The following FAM177B variants were observed in gnomAD, a reference collection of about 807,000 sequenced individuals.
FAM177B encodes the protein family with sequence similarity 177 member B, also known as protein FAM177B.
Under a neutral mutation model 16.1 loss-of-function variants are expected in FAM177B, and 16 were observed. The observed-to-expected ratio is 0.99, with a 90% CI of 0.67 to 1.51. The LOEUF (loss-of-function observed/expected upper bound fraction) is 1.51. Ranked by LOEUF, FAM177B falls within the 40% of genes most tolerant of loss-of-function variation. The pLI is 0.00. For missense variants in FAM177B, 178 were observed against 183.7 expected, an observed-to-expected ratio of 0.97 and a Z score of 0.18; for synonymous variants, 56 against 59.9, an observed-to-expected ratio of 0.93 and a Z score of 0.30.
chr1:222,738,564 CAAAA>C lies in FAM177B; in HGVS notation c.-16+557_-16+560del, dbSNP rs71175182. On this transcript the variant is annotated intron_variant, in intron 2 of 5. Transcript: ENST00000445590. The stretch of plus-strand genomic sequence containing the variant: ...GGAGACTCCGTCTCTACAAAAACTG[CAAAA>C]AAAAAAAAAAAAAGGCTGGGCGTGT... Among the ~76,000 whole-genome samples the C allele has an allele frequency of 1.3e-4, 8 of 61,818 alleles. 1 individual carries two copies. The highest frequency in any genetic ancestry group is 1.2e-4 in the Non-Finnish European group (4 of 33,952). The allele number at this position is 61,818 out of a possible 152,430, so 40.6% of individuals were successfully genotyped here. A position where few individuals can be genotyped will look rare whatever the true frequency, so the allele number is the denominator to read the frequency against.
chr1:222,750,346 A>G lies in FAM177B; in HGVS notation c.*288A>G, dbSNP rs1261398648. 2 of 1,160,564 alleles carry G rather than the reference A, an allele frequency of 1.7e-6. No homozygotes were observed. Among genetic ancestry groups the G allele is most frequent in the Non-Finnish European group, 1.1e-6 (1 of 941,712 alleles). The allele number at this position is 1,160,564 out of a possible 1,614,324, so 71.9% of individuals were successfully genotyped here. On this transcript the variant is annotated 3_prime_UTR_variant, in exon 6 of 6. Coordinates refer to ENST00000445590, the MANE Select transcript of FAM177B (RefSeq NM_001394345.1). ...TGATACAAGTCCCATGAGTACTGAC[A>G]TTTGCACAGTAGCATAAATGCCTTA...
rs376302282 is a variant in FAM177B at position 222,750,016 on chromosome 1, T to C, written c.435T>C (p.Tyr145=). The change falls in exon 6 of 6, where the codon TAT becomes TAC. Residue 145 remains tyrosine (Y), a synonymous_variant. Coordinates refer to ENST00000445590, the MANE Select transcript of FAM177B (RefSeq NM_001394345.1). The part of the protein sequence containing the change: ...KCHLEAGVQE[Y]GTIQQDVTEA... The stretch of plus-strand genomic sequence containing the variant: ...ACTTGGAGGCTGGGGTCCAAGAGTA[T>C]GGAACCATACAACAGGATGTGACAG... 1 of 1,613,878 alleles carries C rather than the reference T, an allele frequency of 6.2e-7. No individual in the cohort carries two copies. Among genetic ancestry groups the C allele is most frequent in the African/African-American group, 1.3e-5 (1 of 74,920 alleles).
rs559665724 is a variant in FAM177B, at chr1:222,737,654, AG to A, written c.-133-249del. On this transcript the variant is annotated intron_variant, in intron 1 of 5. Coordinates refer to ENST00000445590, the MANE Select transcript of FAM177B (RefSeq NM_001394345.1). ...TACAGCCTTGTAGGCCATTATGAGG[AG>A]TTTGGCTTTTACTCTAGGTGAGACG... Among the ~76,000 whole-genome samples the A allele has an allele frequency of 1.4e-3, 211 of 152,164 alleles. 2 individuals carry two copies. The highest frequency in any genetic ancestry group is 1.9e-3 in the Non-Finnish European group (132 of 68,000).
chr1:222,748,811 G>A (rs74145543), intron 4 of FAM177B: 85 of 334,702 alleles, frequency 2.5e-4, no homozygotes, highest in African/African-American at 1.7e-3. Flanking sequence ...GGTAGAATGA[G>A]TCAGAGGAAT....
At chr1:222,743,748 A>G (rs1263273676) in intron 2 of FAM177B, among the ~76,000 whole-genome samples, 1 of 152,198 alleles carries the variant, frequency 6.6e-6, no homozygotes, top group African/African-American at 2.4e-5. Context: ...TTTCCTGTCC[A>G]TATTTTATAG....
intron 2 of FAM177B, among the ~76,000 whole-genome samples, chr1:222,744,350 T>C (rs1317088909): frequency 2.6e-5 from 4 of 151,874 alleles, no homozygotes; most frequent in Admixed American, 1.3e-4. Context: ...TGGGTGCCTG[T>C]AGTCCCAGCT....
chr1:222,747,308 A>G (rs1572011398), intron 4 of FAM177B: 5 of 496,648 alleles, frequency 1.0e-5, no homozygotes, highest in African/African-American at 3.9e-5. Context: ...CCCAAATTTT[A>G]TCTACTTCTA....
At chr1:222,747,384 G>A (rs1399808306) in intron 4 of FAM177B, 2 of 241,626 alleles carry the variant, frequency 8.3e-6, no homozygotes, top group Admixed American at 1.0e-4. Flanking sequence ...AGGACAGAGG[G>A]CAATATTTGA....
intron 2 of FAM177B, among the ~76,000 whole-genome samples, chr1:222,741,930 CTTTCTT>C (rs1368866321): frequency 2.7e-5 from 2 of 73,552 alleles, no homozygotes; most frequent in African/African-American, 1.1e-4. Flanking sequence ...CTCTCTCTCT[CTTTCTT>C]TCTTTCTTTC....
At chr1:222,747,227 G>T (rs1658841712) in intron 4 of FAM177B, 146 bp downstream of exon 4, 3 of 617,836 alleles carry the variant, frequency 4.9e-6, no homozygotes, top group South Asian at 2.1e-5. Flanking sequence ...ATTCCCAAAG[G>T]CACAGAACTT....
chr1:222,737,573 G>A (rs911126158), intron 1 of FAM177B, among the ~76,000 whole-genome samples: 8 of 152,196 alleles, frequency 5.3e-5, no homozygotes. Context: ...TTAGAGTGAT[G>A]TCAGTGGTGG....
chr1:222,745,627 C>T (rs1257484784), intron 2 of FAM177B, among the ~76,000 whole-genome samples: 1 of 149,878 alleles, frequency 6.7e-6, no homozygotes, highest in East Asian at 2.0e-4. Context: ...TGCAGCCCCC[C>T]AAAAAAATTT....
chr1:222,749,475 C>T lies in FAM177B; in HGVS notation c.252C>T (p.Phe84=). 1 of 1,603,910 alleles carries T rather than the reference C, an allele frequency of 6.2e-7. No homozygotes were observed. Among genetic ancestry groups the T allele is most frequent in the East Asian group, 2.2e-5 (1 of 44,772 alleles). The change falls in exon 5 of 6, where the codon TTC becomes TTT. Residue 84 remains phenylalanine (F), a synonymous_variant. Coordinates refer to ENST00000445590, the MANE Select transcript of FAM177B (RefSeq NM_001394345.1). ...CGTTCTTTCTTTTAGCATGTGAATTCCTTGGTGGAAGATTTGCTGTCTTCT... is the reference window on the plus strand; with the variant it reads ...CGTTCTTTCTTTTAGCATGTGAATTTCTTGGTGGAAGATTTGCTGTCTTCT... ...IASTSFSTCE[F]LGGRFAVFFG...
intron 3 of FAM177B, 85 bp from the exon 4 acceptor site, chr1:222,746,930 G>T: frequency 9.9e-7 from 1 of 1,008,068 alleles, no homozygotes; most frequent in Non-Finnish European, 1.6e-6. Context: ...ATTATATAGA[G>T]CATTTTGAAA....
chr1:222,737,370 T>G (rs1477670690), intron 1 of FAM177B, 48 bp downstream of exon 1: 1 of 152,182 alleles, frequency 6.6e-6, no homozygotes, highest in Non-Finnish European at 1.5e-5. Flanking sequence ...ATGCAGAGGG[T>G]GGTGGTGAAG....
chr1:222,740,785 G>A (rs992836897), intron 2 of FAM177B, among the ~76,000 whole-genome samples: 12 of 150,036 alleles, frequency 8.0e-5, no homozygotes, highest in Non-Finnish European at 1.5e-4. Flanking sequence ...CTGCAAGCTC[G>A]GCCTCCCGGG....
At chr1:222,744,953 A>T (rs1658727091) in intron 2 of FAM177B, among the ~76,000 whole-genome samples, 2 of 152,124 alleles carry the variant, frequency 1.3e-5, no homozygotes, top group South Asian at 4.1e-4. Flanking sequence ...CTTAACCCCT[A>T]CCCACTCTCC....
intron 2 of FAM177B, among the ~76,000 whole-genome samples, chr1:222,745,796 C>A (rs1373445668): frequency 6.6e-6 from 1 of 152,112 alleles, no homozygotes; most frequent in South Asian, 2.1e-4. Flanking sequence ...TGCCTGTAAT[C>A]CCAGCTACTC....
At chr1:222,749,298 T>C (rs1658942772) in intron 4 of FAM177B, 167 bp from the exon 5 acceptor site, 8 of 553,802 alleles carry the variant, frequency 1.4e-5, no homozygotes, top group Non-Finnish European at 2.6e-5. Flanking sequence ...AATCCTAGAA[T>C]TTTTGAGAGG....
Sources: gnomAD v4.1 joint callset for allele counts (sites outside exome capture counted in the v4.1 genomes callset) on GRCh38, gnomAD v4.1.1 for gene constraint, MANE v1.5 for transcripts, NCBI Gene and HGNC (gene_info 2026-07-23, HGNC 2026-07-21) for gene names.